Variants in SCFD2 observed in about 807,000 individuals in gnomAD.
The protein encoded by SCFD2 is sec1 family domain containing 2, also known as sec1 family domain-containing protein 2.
Under a neutral mutation model 58.9 loss-of-function variants are expected in SCFD2, and 54 were observed. The ratio of observed to expected loss-of-function variants is 0.92; its 90% CI spans 0.74 to 1.15. The LOEUF is 1.15. Among genes scored for constraint, SCFD2 ranks in the 50% most tolerant of loss-of-function variants. The pLI, the probability that SCFD2 is intolerant of heterozygous loss-of-function variation, is 0.00. For synonymous variants in SCFD2, 321 were observed against 335.9 expected (o/e 0.96, Z 0.49); for missense variants, 805 against 836.6 (o/e 0.96, Z 0.47).
chr4:53,210,826 T>C (rs1229930655), intron 4 of SCFD2, among the ~76,000 whole-genome samples: 1 of 152,006 alleles, frequency 6.6e-6, no homozygotes, highest in Non-Finnish European at 1.5e-5. Flanking sequence ...CTGCCCTCCT[T>C]TCACCTACCC....
chr4:53,089,038 ACTAT>A, intron 5 of SCFD2, among the ~76,000 whole-genome samples: 1 of 152,218 alleles, frequency 6.6e-6, no homozygotes, highest in Middle Eastern at 3.4e-3. Context: ...TTAGCAAGAC[ACTAT>A]CTGTGAACCT....
chr4:52,914,005 T>C (rs747361822), intron 6 of SCFD2, among the ~76,000 whole-genome samples: 1 of 152,224 alleles, frequency 6.6e-6, no homozygotes, highest in Admixed American at 6.5e-5. Flanking sequence ...TAAGTTTTGA[T>C]TGGAACATTA....
At chr4:53,049,513 T>C (rs1195756590) in intron 5 of SCFD2, among the ~76,000 whole-genome samples, 2 of 152,180 alleles carry the variant, frequency 1.3e-5, no homozygotes, top group Non-Finnish European at 2.9e-5. Flanking sequence ...TGTGCAAGCT[T>C]ACATAGCCGA....
chr4:53,042,809 CA>C (rs1205813917), intron 5 of SCFD2, among the ~76,000 whole-genome samples: 1 of 152,006 alleles, frequency 6.6e-6, no homozygotes, highest in African/African-American at 2.4e-5. Context: ...TGGAGCTGAC[CA>C]CCTTTCTTGG....
At chr4:53,009,227 A>G (rs1186955633) in intron 5 of SCFD2, among the ~76,000 whole-genome samples, 1 of 152,180 alleles carries the variant, frequency 6.6e-6, no homozygotes, top group Non-Finnish European at 1.5e-5. Flanking sequence ...TTCCTCTGTC[A>G]TGGATTAACT....
At chr4:52,959,978 T>C (rs1482745272) in intron 5 of SCFD2, among the ~76,000 whole-genome samples, 1 of 151,494 alleles carries the variant, frequency 6.6e-6, no homozygotes, top group Non-Finnish European at 1.5e-5. Flanking sequence ...AAGTGAACAA[T>C]GTGAGAGAAA....
intron 5 of SCFD2, among the ~76,000 whole-genome samples, chr4:53,047,526 CCTTAA>C (rs1337355807): frequency 6.6e-6 from 1 of 152,152 alleles, no homozygotes; most frequent in African/African-American, 2.4e-5. Context: ...CTTCTTGACT[CCTTAA>C]CTATCTGTTC....
intron 5 of SCFD2, among the ~76,000 whole-genome samples, chr4:53,074,752 G>A (rs755576419): frequency 1.6e-4 from 24 of 152,122 alleles, no homozygotes; most frequent in East Asian, 7.7e-4. Context: ...GTTCTCCACA[G>A]TAGGCTTAAA....
At chr4:53,048,400 C>T (rs1723097833) in intron 5 of SCFD2, among the ~76,000 whole-genome samples, 2 of 152,016 alleles carry the variant, frequency 1.3e-5, no homozygotes, top group South Asian at 4.1e-4. Context: ...TACTCTAAAA[C>T]TTAGAGAGTC....
intron 3 of SCFD2, among the ~76,000 whole-genome samples, chr4:53,292,156 C>T (rs925602261): frequency 9.9e-5 from 15 of 151,790 alleles, no homozygotes; most frequent in Non-Finnish European, 1.6e-4. Context: ...TTTCATGAGA[C>T]GAAAATGTCA....
At chr4:53,093,765 T>C (rs1247664235) in intron 5 of SCFD2, among the ~76,000 whole-genome samples, 1 of 151,890 alleles carries the variant, frequency 6.6e-6, no homozygotes. Context: ...AAAAAAAATA[T>C]GTATTTGTGT....
intron 5 of SCFD2, among the ~76,000 whole-genome samples, chr4:53,009,283 G>A (rs1006758308): frequency 1.3e-5 from 2 of 152,154 alleles, no homozygotes; most frequent in African/African-American, 4.8e-5. Flanking sequence ...CTTCCCAGAA[G>A]CATTTTCCAA....
intron 5 of SCFD2, among the ~76,000 whole-genome samples, chr4:53,038,813 T>A (rs1048335424): frequency 2.0e-5 from 3 of 151,988 alleles, no homozygotes; most frequent in African/African-American, 7.2e-5. Flanking sequence ...CTTCGCCTCC[T>A]GAGTAGCTGG....
chr4:53,045,632 G>A (rs1723021472), intron 5 of SCFD2, among the ~76,000 whole-genome samples: 1 of 151,912 alleles, frequency 6.6e-6, no homozygotes, highest in Admixed American at 6.6e-5. Context: ...ACATATCTGA[G>A]TATATCTTAT....
chr4:53,172,646 T>C (rs377120831), intron 4 of SCFD2, among the ~76,000 whole-genome samples: 24 of 152,198 alleles, frequency 1.6e-4, no homozygotes, highest in African/African-American at 5.3e-4. Flanking sequence ...TATTTGTAAA[T>C]TTCCCAAGAT....
chr4:52,960,712 AC>A, intron 5 of SCFD2, among the ~76,000 whole-genome samples: 1 of 15,270 alleles, frequency 6.5e-5, no homozygotes, highest in East Asian at 5.0e-3. Context: ...TTTCTCTGAC[AC>A]ACACACACAC....
At chr4:53,172,609 T>A (rs1727212912) in intron 4 of SCFD2, among the ~76,000 whole-genome samples, 1 of 152,222 alleles carries the variant, frequency 6.6e-6, no homozygotes, top group African/African-American at 2.4e-5. Flanking sequence ...CATTGGTTGG[T>A]CAGGAGCATG....
chr4:53,052,662 A>T (rs1004935901), intron 5 of SCFD2, among the ~76,000 whole-genome samples: 5 of 152,212 alleles, frequency 3.3e-5, no homozygotes, highest in African/African-American at 1.2e-4. Flanking sequence ...ATTGAGACTT[A>T]TACAATGAGC....
chr4:53,213,442 A>G (rs942937207), intron 4 of SCFD2, among the ~76,000 whole-genome samples: 1 of 152,142 alleles, frequency 6.6e-6, no homozygotes, highest in Non-Finnish European at 1.5e-5. Context: ...GTCTGAAATT[A>G]AAACCAGAGT....
Sources: allele counts gnomAD v4.1 joint callset (sites outside exome capture counted in the v4.1 genomes callset), GRCh38; gene constraint gnomAD v4.1.1; transcripts MANE v1.5; gene names NCBI Gene and HGNC (gene_info 2026-07-23, HGNC 2026-07-21).